The following JARID2 variants were observed in gnomAD, a reference collection of about 807,000 sequenced individuals.
JARID2 encodes protein Jumonji.
A neutral mutation model predicts 125.6 loss-of-function variants in JARID2; 21 were observed. That is an observed-to-expected ratio of 0.17 (90% CI 0.12 to 0.24). The LOEUF (loss-of-function observed/expected upper bound fraction) is 0.24. JARID2 is among the 10% of genes least tolerant of loss of function. The pLI is 1.00. For synonymous variants in JARID2, 736 were observed against 661.6 expected (o/e 1.11, Z -1.73); for missense variants, 1,303 against 1,639.6 (o/e 0.79, Z 3.55).
intron 2 of JARID2, among the ~76,000 whole-genome samples, chr6:15,398,341 G>A (rs1460078274): frequency 1.3e-5 from 2 of 152,170 alleles, no homozygotes; most frequent in Non-Finnish European, 2.9e-5. Flanking sequence ...TAATGAACAT[G>A]GATGGAGCAA....
intron 1 of JARID2, among the ~76,000 whole-genome samples, chr6:15,249,341 G>A (rs962827943): frequency 1.3e-5 from 2 of 152,102 alleles, no homozygotes; most frequent in Admixed American, 6.5e-5. Context: ...CGGTGGGGGG[G>A]CTTTCCTTTG....
At chr6:15,377,873 AT>A (rs1218573316) in intron 2 of JARID2, among the ~76,000 whole-genome samples, 228 of 134,338 alleles carry the variant, frequency 1.7e-3, no homozygotes, top group Admixed American at 5.3e-3. Context: ...TTTTTTTTCA[AT>A]TTTTTTTCTT....
chr6:15,485,052 A>T (rs1370802409), intron 5 of JARID2, among the ~76,000 whole-genome samples: 2 of 152,158 alleles, frequency 1.3e-5, no homozygotes, highest in African/African-American at 4.8e-5. Context: ...GGCATGATTG[A>T]TGGTTTCTGA....
At chr6:15,361,116 A>T (rs1763776563) in intron 1 of JARID2, among the ~76,000 whole-genome samples, 1 of 152,200 alleles carries the variant, frequency 6.6e-6, no homozygotes, top group East Asian at 1.9e-4. Flanking sequence ...CCATTTACTG[A>T]GTTGAAAACC....
At chr6:15,448,645 T>C (rs766479341) in intron 3 of JARID2, among the ~76,000 whole-genome samples, 4 of 152,196 alleles carry the variant, frequency 2.6e-5, no homozygotes, top group Non-Finnish European at 4.4e-5. Flanking sequence ...TGGCACAACA[T>C]TTCCTTTGTT....
intron 1 of JARID2, among the ~76,000 whole-genome samples, chr6:15,270,646 G>A (rs2127352148): frequency 6.6e-6 from 1 of 152,242 alleles, no homozygotes; most frequent in East Asian, 1.9e-4. Flanking sequence ...TTCTTGCTCT[G>A]CCTTGAAAAA....
At chr6:15,389,147 T>A (rs1003450218) in intron 2 of JARID2, among the ~76,000 whole-genome samples, 3 of 152,218 alleles carry the variant, frequency 2.0e-5, no homozygotes, top group African/African-American at 7.2e-5. Context: ...ATCATTTAAC[T>A]GTCTTTTATA....
intron 5 of JARID2, among the ~76,000 whole-genome samples, chr6:15,483,349 G>A (rs551142059): frequency 2.6e-5 from 4 of 151,016 alleles, no homozygotes; most frequent in South Asian, 4.2e-4. Flanking sequence ...CTCACTGTTT[G>A]TATGACTTTA....
rs557250816 is a variant in JARID2, at chr6:15,519,611, C to G, written c.3559-458C>G. ...TTGGTGCCGACAGATAAATGATTCT[C>G]TTGAGTGAATTACAAGGATATGTAT... On this transcript the variant is annotated intron_variant, in intron 17 of 17. Transcript: ENST00000341776. Among the ~76,000 whole-genome samples the G allele has an allele frequency of 2.6e-5, 4 of 152,328 alleles. No individual in the cohort carries two copies. The East Asian group carries it at 7.7e-4, about 29-fold the overall frequency.
chr6:15,416,581 G>A (rs981651984), intron 3 of JARID2, among the ~76,000 whole-genome samples: 7 of 152,108 alleles, frequency 4.6e-5, no homozygotes, highest in African/African-American at 1.4e-4. Context: ...GCAGGCACTC[G>A]GCAGGCTGAG....
At chr6:15,361,395 A>G (rs1278499107) in intron 1 of JARID2, among the ~76,000 whole-genome samples, 2 of 152,070 alleles carry the variant, frequency 1.3e-5, no homozygotes, top group Admixed American at 6.6e-5. Context: ...ATTTAGAGCA[A>G]ATTTCTTATC....
intron 6 of JARID2, among the ~76,000 whole-genome samples, chr6:15,493,493 C>T (rs1018189375): frequency 1.1e-4 from 16 of 152,158 alleles, no homozygotes; most frequent in African/African-American, 3.6e-4. Flanking sequence ...CGCACTGTGT[C>T]CGTCTCCTTA....
In JARID2 at chr6:15,519,970, C is replaced by T. The variant is rs75973156; in HGVS notation, c.3559-99C>T. 5.9e-4 allele frequency: 533 copies of T among 905,452 alleles called. 1 individual carries two copies. In the African/African-American group the frequency reaches 6.0e-3, roughly 10 times the overall value. The allele number at this position is 905,452 out of a possible 1,614,324, so 56.1% of individuals were successfully genotyped here. A position where few individuals can be genotyped will look rare whatever the true frequency, so the allele number is the denominator to read the frequency against. Reference sequence around the variant, plus strand: ...TGTTGGTTGGTGTGGTGAAGGGGACCGCTGCCCTCTGCCCTAAACTTGCCC... The same window carrying T: ...TGTTGGTTGGTGTGGTGAAGGGGACTGCTGCCCTCTGCCCTAAACTTGCCC... On this transcript the variant is annotated intron_variant, in intron 17 of 17. Transcript: ENST00000341776.
At chr6:15,312,554 G>C (rs1762050454) in intron 1 of JARID2, among the ~76,000 whole-genome samples, 1 of 152,146 alleles carries the variant, frequency 6.6e-6, no homozygotes, top group Non-Finnish European at 1.5e-5. Context: ...CTGCCTTCTT[G>C]CACTGTAGAT....
chr6:15,417,251 G>A (rs1766272834), intron 3 of JARID2, among the ~76,000 whole-genome samples: 1 of 152,150 alleles, frequency 6.6e-6, no homozygotes, highest in African/African-American at 2.4e-5. Flanking sequence ...ACTGGGGCCA[G>A]GCTGTGTGAC....
At chr6:15,458,222 G>A (rs920968413) in intron 4 of JARID2, among the ~76,000 whole-genome samples, 3 of 152,162 alleles carry the variant, frequency 2.0e-5, no homozygotes, top group Non-Finnish European at 2.9e-5. Flanking sequence ...AGATTAAAAA[G>A]AGCTTAATGT....
intron 1 of JARID2, among the ~76,000 whole-genome samples, chr6:15,282,603 C>CCTCTT (rs560941588): frequency 7.9e-6 from 1 of 126,370 alleles, no homozygotes; most frequent in African/African-American, 2.6e-5. Context: ...TCTCTTTCTT[C>CCTCTT]CTCTTCTCTT....
chr6:15,490,949 C>T (rs1770122455), intron 6 of JARID2, among the ~76,000 whole-genome samples: 1 of 152,174 alleles, frequency 6.6e-6, no homozygotes, highest in African/African-American at 2.4e-5. Context: ...AGAAAATGAT[C>T]AACTGGCTAA....
chr6:15,451,758 T>C (rs2127640417), intron 3 of JARID2, among the ~76,000 whole-genome samples: 1 of 152,328 alleles, frequency 6.6e-6, no homozygotes, highest in Middle Eastern at 3.4e-3. Flanking sequence ...TCTACACACA[T>C]GTATACACAT....
Sources: gnomAD v4.1 joint callset for allele counts (sites outside exome capture counted in the v4.1 genomes callset) on GRCh38, gnomAD v4.1.1 for gene constraint, MANE v1.5 for transcripts, NCBI Gene and HGNC (gene_info 2026-07-23, HGNC 2026-07-21) for gene names.